Variants in ATP5MJ observed in about 807,000 individuals in gnomAD.
ATP5MJ encodes the protein ATP synthase membrane subunit j.
Under a neutral mutation model 8.3 loss-of-function variants are expected in ATP5MJ, and 4 were observed. The ratio of observed to expected loss-of-function variants is 0.48; its 90% confidence interval spans 0.24 to 1.11. The LOEUF is 1.11. Among genes scored for constraint, ATP5MJ ranks in the 50% least tolerant of loss-of-function variants. ATP5MJ has a pLI of 0.18. For synonymous variants in ATP5MJ, 23 were observed against 21.3 expected (o/e 1.08, Z -0.23); for missense variants, 66 against 71.8 (o/e 0.92, Z 0.29).
chr14:103,919,802 T>G (rs2087658021), intron 1 of ATP5MJ, among the ~76,000 whole-genome samples: 1 of 151,990 alleles, frequency 6.6e-6, no homozygotes, highest in Non-Finnish European at 1.5e-5. Flanking sequence ...ACAAGTGACA[T>G]GTTCCCAATA....
intron 1 of ATP5MJ, among the ~76,000 whole-genome samples, chr14:103,919,383 T>TAAAAAAAA (rs34078178): frequency 7.7e-6 from 1 of 130,210 alleles, no homozygotes; most frequent in Non-Finnish European, 1.6e-5. Context: ...CCCTTTATCT[T>TAAAAAAAA]AAAAAAAAAA....
chr14:103,920,770 G>T (rs1159558337), intron 1 of ATP5MJ, among the ~76,000 whole-genome samples: 3 of 152,020 alleles, frequency 2.0e-5, no homozygotes, highest in Non-Finnish European at 4.4e-5. Context: ...GCGCCCGGCC[G>T]GCCCCTTTCT....
chr14:103,918,642 G>C (rs992014295), intron 1 of ATP5MJ, among the ~76,000 whole-genome samples: 1 of 152,046 alleles, frequency 6.6e-6, no homozygotes, highest in Non-Finnish European at 1.5e-5. Context: ...TTACAGGCGT[G>C]GGCCACCAGG....
rs750265157 is a variant in ATP5MJ at position 103,920,868 on chromosome 14, C to CCAAA, written c.-1+598_-1+601dup. 7.7e-4 allele frequency: 816 copies of CCAAA among 1,061,998 alleles called. 6 individuals carry two copies. The highest frequency in any genetic ancestry group is 4.0e-4 in the Non-Finnish European group (279 of 699,682). 65.8% of individuals were successfully genotyped at this position (1,061,998 alleles called of 1,614,324 possible). On this transcript the variant is annotated intron_variant, in intron 1 of 3. Coordinates refer to ENST00000286953, the MANE Select transcript of ATP5MJ (RefSeq NM_004894.3). The stretch of plus-strand genomic sequence containing the variant: ...TTTAAAAATCCATCTTATTCATAGG[C>CCAAA]CAAACGTGTGTCTACTGTATCCACT...
At chr14:103,914,477 A>G in intron 2 of ATP5MJ, 2 of 640,676 alleles carry the variant, frequency 3.1e-6, no homozygotes, top group Non-Finnish European at 5.7e-6. Flanking sequence ...AAGAAAACTC[A>G]CAATTCTGAT....
intron 1 of ATP5MJ, chr14:103,921,133 C>A: frequency 1.7e-6 from 2 of 1,168,932 alleles, no homozygotes; most frequent in South Asian, 2.7e-5. Flanking sequence ...GAGTTCTTGG[C>A]TTGGACTCTG....
intron 2 of ATP5MJ, 31 bp downstream of exon 2, chr14:103,915,035 C>T: frequency 6.2e-7 from 1 of 1,613,048 alleles, no homozygotes; most frequent in South Asian, 1.1e-5. Flanking sequence ...TTCTTCCTGA[C>T]CTCAGAAAAA....
In ATP5MJ at chr14:103,914,205, A is replaced by G. The variant is rs543440529; in HGVS notation, c.125-221T>C. On this transcript the variant is annotated intron_variant, in intron 2 of 3. Coordinates refer to ENST00000286953, the MANE Select transcript of ATP5MJ (RefSeq NM_004894.3). ...TTTGCAGGGCTCCTTACCTTCTACA[A>G]TGTCCTAAACTTTAGTCTTGCAGCA... is the stretch of plus-strand genomic sequence containing the variant. 10 of 585,408 alleles carry G rather than the reference A, an allele frequency of 1.7e-5. No individual in the cohort carries two copies. In the South Asian group the frequency reaches 1.8e-4, roughly 11 times the overall value. 36.3% of individuals were successfully genotyped at this position (585,408 alleles called of 1,614,324 possible).
chr14:103,918,925 G>A (rs113654056), intron 1 of ATP5MJ, among the ~76,000 whole-genome samples: 10,210 of 151,906 alleles, frequency 0.067, 752 homozygotes, highest in African/African-American at 0.16. Flanking sequence ...GGAAGGCCGA[G>A]GCAGGAGAAT....
At position 103,912,411 on chromosome 14, in the gene ATP5MJ, G is replaced by A. The variant is rs2152106761; in HGVS notation, c.*255C>T. ...ATTTCACAATGATGGGTGGCTCAGT[G>A]AGATTCTGATTGCATGCGCTGCATG... On this transcript the variant is annotated 3_prime_UTR_variant, in exon 4 of 4. Coordinates refer to ENST00000286953, the MANE Select transcript of ATP5MJ (RefSeq NM_004894.3). The A allele has an allele frequency of 2.1e-6, 1 of 478,894 alleles. No individual in the cohort carries two copies. The highest frequency in any genetic ancestry group is 3.1e-5 in the East Asian group (1 of 32,060). The allele number at this position is 478,894 out of a possible 1,614,324, so 29.7% of individuals were successfully genotyped here. A position where few individuals can be genotyped will look rare whatever the true frequency, so the allele number is the denominator to read the frequency against.
At chr14:103,920,214 T>A (rs2087664377) in intron 1 of ATP5MJ, among the ~76,000 whole-genome samples, 1 of 149,200 alleles carries the variant, frequency 6.7e-6, no homozygotes, top group Non-Finnish European at 1.5e-5. Flanking sequence ...AACCTCCGCC[T>A]CCAGGGTTCA....
chr14:103,916,413 A>G (rs533713726), intron 1 of ATP5MJ, among the ~76,000 whole-genome samples: 1 of 152,306 alleles, frequency 6.6e-6, no homozygotes, highest in South Asian at 2.1e-4. Context: ...AGGAGTGACT[A>G]GATCTAAGCA....
intron 3 of ATP5MJ, 97 bp downstream of exon 3, chr14:103,913,862 CTG>C: frequency 2.2e-6 from 3 of 1,390,530 alleles, no homozygotes; most frequent in Non-Finnish European, 3.0e-6. Flanking sequence ...ATATACTGAA[CTG>C]TGTTTCGATT....
chr14:103,913,555 G>A, intron 3 of ATP5MJ: 3 of 269,724 alleles, frequency 1.1e-5, no homozygotes, highest in Non-Finnish European at 2.1e-5. Flanking sequence ...AGCTTGCAGT[G>A]AGCTGAGATC....
chr14:103,915,022 A>C, intron 2 of ATP5MJ, 44 bp downstream of exon 2: 2 of 1,611,258 alleles, frequency 1.2e-6, no homozygotes, highest in Non-Finnish European at 1.7e-6. Flanking sequence ...TTTGAAAATA[A>C]TTTTCTTCCT....
intron 1 of ATP5MJ, chr14:103,921,138 A>ACT (rs2087675137): frequency 9.3e-7 from 1 of 1,080,364 alleles, no homozygotes; most frequent in African/African-American, 1.6e-5. Context: ...CTTGGCTTGG[A>ACT]CTCTGGCTTC....
At chr14:103,920,918 T>G in intron 1 of ATP5MJ, 1 of 1,533,302 alleles carries the variant, frequency 6.5e-7, no homozygotes, top group Non-Finnish European at 8.8e-7. Flanking sequence ...TTTGGCACAT[T>G]ACATTAAGGG....
intron 1 of ATP5MJ, chr14:103,920,934 T>C (rs2087672420): frequency 6.5e-7 from 1 of 1,547,706 alleles, no homozygotes; most frequent in South Asian, 1.2e-5. Context: ...AAGGGCGAAC[T>C]ATTACCTGAC....
intron 2 of ATP5MJ, chr14:103,914,334 A>T (rs902354045): frequency 3.4e-5 from 18 of 536,844 alleles, no homozygotes; most frequent in Admixed American, 3.3e-4. Flanking sequence ...TCCCCTCCAA[A>T]TTTTTTTACA....
Sources: gnomAD v4.1 joint callset for allele counts (sites outside exome capture counted in the v4.1 genomes callset) on GRCh38, gnomAD v4.1.1 for gene constraint, MANE v1.5 for transcripts, NCBI Gene and HGNC (gene_info 2026-07-23, HGNC 2026-07-21) for gene names.